Variants in UBA6 observed in about 807,000 individuals in gnomAD.
UBA6 encodes the protein ubiquitin like modifier activating enzyme 6.
UBA6 carries 87 observed loss-of-function variants against 148.3 expected under a neutral mutation model. That is an observed-to-expected ratio of 0.59 (90% CI 0.49 to 0.70). The LOEUF is 0.70. Ranked by LOEUF, UBA6 falls within the 30% of genes least tolerant of loss-of-function variation. UBA6 has a pLI of 0.00. For missense variants in UBA6, 1,186 were observed against 1,241.2 expected (o/e 0.96, Z 0.67); for synonymous variants, 376 against 401.0 (o/e 0.94, Z 0.75).
Position 67,623,117 on chromosome 4 carries a change from T to G in UBA6, c.2928+18A>C, listed in dbSNP as rs764903672. The G allele has an allele frequency of 4.3e-5, 68 of 1,584,688 alleles. No homozygotes were observed. Among genetic ancestry groups the G allele is most frequent in the Non-Finnish European group, 2.6e-6 (3 of 1,158,280 alleles). ...GACATAAAGCTACTAATGAACTAAA[T>G]GAACAAAAGTATCTCACTTTGACTG... On this transcript the variant is annotated intron_variant, in intron 31 of 32. Transcript: ENST00000322244.
intron 18 of UBA6, among the ~76,000 whole-genome samples, chr4:67,639,991 T>A (rs1287203198): frequency 6.6e-6 from 1 of 152,214 alleles, no homozygotes; most frequent in Non-Finnish European, 1.5e-5. Context: ...TATTCTTTCT[T>A]TTCTTAAAAA....
chr4:67,673,015 A>G (rs565025274), intron 7 of UBA6, among the ~76,000 whole-genome samples: 9 of 152,298 alleles, frequency 5.9e-5, no homozygotes, highest in African/African-American at 2.2e-4. Context: ...CATCTTCCCT[A>G]GCAGAAGGTA....
At chr4:67,662,397 T>C (rs1729882780) in intron 12 of UBA6, 142 bp from the exon 13 acceptor site, 1 of 585,326 alleles carries the variant, frequency 1.7e-6, no homozygotes, top group African/African-American at 1.9e-5. Flanking sequence ...TGTACTGATT[T>C]AAAGATGATT....
At position 67,630,502 on chromosome 4, in the gene UBA6, T is replaced by C. The variant is rs1405136382; in HGVS notation, c.2292A>G (p.Leu764=). Residue 764 remains leucine (L), a synonymous_variant, in exon 26 of 33, where the codon CTA becomes CTG. Transcript: ENST00000322244. ...ATGGAATACAATATACTGTAGCATATAGTTTTGCAGCATTCTGAAGGAAAC... is the reference window on the plus strand; with the variant it reads ...ATGGAATACAATATACTGTAGCATACAGTTTTGCAGCATTCTGAAGGAAAC... The part of the protein sequence containing the change: ...HLSFLQNAAK[L]YATVYCIPFA... The C allele has an allele frequency of 3.8e-6, 6 of 1,588,786 alleles. No individual in the cohort carries two copies. The highest frequency in any genetic ancestry group is 4.5e-5 in the East Asian group (2 of 44,582).
At chr4:67,694,547 G>A (rs1471920832) in intron 2 of UBA6, among the ~76,000 whole-genome samples, 7 of 141,078 alleles carry the variant, frequency 5.0e-5, no homozygotes, top group African/African-American at 1.3e-4. Context: ...GCCCGCCACC[G>A]CCACCACACC....
intron 17 of UBA6, among the ~76,000 whole-genome samples, chr4:67,643,561 T>G (rs1729355716): frequency 6.6e-6 from 1 of 152,040 alleles, no homozygotes; most frequent in East Asian, 1.9e-4. Context: ...GTGACTTCTG[T>G]TTTTACTTAA....
chr4:67,700,974 G>A, intron 1 of UBA6, 75 bp downstream of exon 1: 2 of 1,584,950 alleles, frequency 1.3e-6, no homozygotes, highest in Middle Eastern at 1.7e-4. Flanking sequence ...CCAGCCCGCC[G>A]GAAAGAAAGA....
At chr4:67,693,431 A>G (rs1730746422) in intron 2 of UBA6, among the ~76,000 whole-genome samples, 1 of 152,118 alleles carries the variant, frequency 6.6e-6, no homozygotes, top group Admixed American at 6.5e-5. Flanking sequence ...TAGTAAGGCT[A>G]TTAGCATTTA....
In UBA6 at chr4:67,638,997, T is replaced by A; in HGVS notation, c.1682A>T (p.Gln561Leu). Residue 561 changes from glutamine to leucine, a missense_variant, in exon 19 of 33, where the codon CAA becomes CTA. Gln to Leu is a moderately radical substitution (Grantham distance 113). Transcript: ENST00000322244. Reference protein sequence around the residue: ...TIYNDEFYTKQDVIITALDNV... With the variant: ...TIYNDEFYTKLDVIITALDNV... ...ATCTAATGCTGTAATAATTACATCTTGTTTAGTATAGAACTCATCATTGTA... is the reference window on the plus strand; with the variant it reads ...ATCTAATGCTGTAATAATTACATCTAGTTTAGTATAGAACTCATCATTGTA... 1.2e-6 allele frequency: 2 copies of A among 1,612,558 alleles called. No individual in the cohort carries two copies. The highest frequency in any genetic ancestry group is 1.7e-6 in the Non-Finnish European group (2 of 1,178,980).
intron 32 of UBA6, 55 bp from the exon 33 acceptor site, chr4:67,619,187 T>G: frequency 7.1e-7 from 1 of 1,408,360 alleles, no homozygotes; most frequent in African/African-American, 1.4e-5. Flanking sequence ...AATGAAAAAA[T>G]GATTTGCTGA....
Position 67,669,263 on chromosome 4 carries a change from A to G in UBA6, c.670-589T>C, listed in dbSNP as rs1426917655. Among the ~76,000 whole-genome samples the G allele has an allele frequency of 1.3e-5, 2 of 152,290 alleles. 1 individual carries two copies. Among genetic ancestry groups the G allele is most frequent in the East Asian group, 3.9e-4 (2 of 5,190 alleles). ...TCAGGGACAAACTAAAATCAACTAG[A>G]GAAGGTAAAAGGTTAAGTCTTAATA... On this transcript the variant is annotated intron_variant, in intron 8 of 32. Transcript: ENST00000322244.
rs1224515476 is a variant in UBA6, at chr4:67,613,977, C to G, written c.*5020G>C. 2.0e-5 allele frequency: 3 copies of G among 151,056 alleles called. No homozygotes were observed. Among genetic ancestry groups the G allele is most frequent in the African/African-American group, 4.9e-5 (2 of 41,066 alleles). The allele number at this position is 151,056 out of a possible 1,614,324, so 9.4% of individuals were successfully genotyped here. On this transcript the variant is annotated 3_prime_UTR_variant, in exon 33 of 33. Transcript: ENST00000322244. ...TCCCCTTTACCCATTTTTTTTTTGT[C>G]CTTCCTTCCTTTCCAAATCCAGGAG...
intron 6 of UBA6, among the ~76,000 whole-genome samples, chr4:67,674,394 G>A (rs11947365): frequency 1.3e-5 from 2 of 151,902 alleles, no homozygotes; most frequent in African/African-American, 4.8e-5. Context: ...GATGAGGTAA[G>A]GTCTTCCTCA....
Position 67,673,748 on chromosome 4 carries a change from T to G in UBA6, c.495A>C (p.Pro165=), listed in dbSNP as rs1212572396. 5.0e-6 allele frequency: 8 copies of G among 1,612,098 alleles called. No individual in the cohort carries two copies. Among genetic ancestry groups the G allele is most frequent in the Non-Finnish European group, 6.8e-6 (8 of 1,178,748 alleles). ...QCVVLTEMKL[P]LQKKINDFCR... is the part of the protein sequence containing the mutation. Reference sequence around the variant, plus strand: ...AAAAGTCATTGATCTTCTTCTGCAATGGAAGTTTCATCTCAGTCAATACTA... The same window carrying G: ...AAAAGTCATTGATCTTCTTCTGCAAGGGAAGTTTCATCTCAGTCAATACTA... The change falls in exon 7 of 33, where the codon CCA becomes CCC. Residue 165 remains proline (P), a synonymous_variant. Transcript: ENST00000322244.
chr4:67,673,902 T>C (rs1730212496), intron 6 of UBA6, 125 bp from the exon 7 acceptor site: 2 of 529,146 alleles, frequency 3.8e-6, no homozygotes, highest in South Asian at 6.0e-5. Context: ...TGAAAAGTTA[T>C]AATCCTACGG....
Position 67,682,120 on chromosome 4 carries a change from A to G in UBA6, c.228T>C (p.Ile76=), listed in dbSNP as rs745697094. The change falls in exon 3 of 33, where the codon ATT becomes ATC. Residue 76 remains isoleucine, a splice_region_variant and synonymous_variant. Transcript: ENST00000322244. ...LSGMGGLGLE[I]AKNLVLAGIK... The stretch of plus-strand genomic sequence containing the variant: ...ATTAGGAATATAAATATTGCTTACC[A>G]ATTTCCAAACCAAGACCACCCATCC... The G allele has an allele frequency of 1.3e-5, 21 of 1,612,116 alleles. No individual in the cohort carries two copies. Among genetic ancestry groups the G allele is most frequent in the Non-Finnish European group, 1.4e-5 (17 of 1,178,436 alleles).
chr4:67,688,916 A>G (rs1317033554), intron 2 of UBA6, among the ~76,000 whole-genome samples: 1 of 152,140 alleles, frequency 6.6e-6, no homozygotes, highest in African/African-American at 2.4e-5. Context: ...AAATTTCAAT[A>G]ATAGCATCCA....
intron 32 of UBA6, among the ~76,000 whole-genome samples, chr4:67,621,990 G>A (rs1728762806): frequency 6.6e-6 from 1 of 152,158 alleles, no homozygotes; most frequent in Non-Finnish European, 1.5e-5. Context: ...GACCAGGGGT[G>A]AGACTTGGCC....
chr4:67,658,467 C>T (rs752382000), intron 13 of UBA6, among the ~76,000 whole-genome samples: 68 of 152,094 alleles, frequency 4.5e-4, no homozygotes, highest in Non-Finnish European at 8.2e-4. Flanking sequence ...CCAAATACCA[C>T]GTGTTCTCAC....
Sources: gnomAD v4.1 joint callset for allele counts (sites outside exome capture counted in the v4.1 genomes callset) on GRCh38, gnomAD v4.1.1 for gene constraint, MANE v1.5 for transcripts, NCBI Gene and HGNC (gene_info 2026-07-23, HGNC 2026-07-21) for gene names.